PRRC2B: variants seen among roughly 807,000 people sequenced by gnomAD.
PRRC2B encodes proline rich coiled-coil 2B, also known as protein PRRC2B.
PRRC2B carries 68 observed loss-of-function variants against 242.3 expected under a neutral mutation model. The observed-to-expected ratio is 0.28, with a 90% CI of 0.23 to 0.34. PRRC2B has a LOEUF of 0.34. PRRC2B is among the 10% of genes least tolerant of loss of function. The pLI is 1.00. For synonymous variants in PRRC2B, 1,228 were observed against 1,173.6 expected (o/e 1.05, Z -0.95); for missense variants, 2,835 against 2,954.8 (o/e 0.96, Z 0.94).
intron 9 of PRRC2B, among the ~76,000 whole-genome samples, chr9:131,454,731 G>T (rs748474126): frequency 2.0e-5 from 3 of 151,906 alleles, no homozygotes; most frequent in Non-Finnish European, 2.9e-5. Context: ...TGCCTCCTGC[G>T]TTCAAGCGAT....
chr9:131,417,881 C>T (rs1381423749), intron 1 of PRRC2B, among the ~76,000 whole-genome samples: 1 of 152,194 alleles, frequency 6.6e-6, no homozygotes, highest in Non-Finnish European at 1.5e-5. Context: ...GCCTTTTCCC[C>T]ATGATCGAGC....
At chr9:131,468,839 CA>C (rs561589625) in intron 13 of PRRC2B, among the ~76,000 whole-genome samples, 259 of 152,288 alleles carry the variant, frequency 1.7e-3, no homozygotes, top group Non-Finnish European at 3.2e-3. Context: ...CTCCTCTGGG[CA>C]CCTGGGAGCC....
intron 19 of PRRC2B, 44 bp from the exon 20 acceptor site, chr9:131,481,681 CG>C: frequency 7.0e-7 from 1 of 1,434,322 alleles, no homozygotes; most frequent in East Asian, 2.5e-5. Context: ...ACTCTCTAGA[CG>C]GGTTGCTCTT....
At chr9:131,466,340 G>A (rs1001670042) in intron 12 of PRRC2B, among the ~76,000 whole-genome samples, 6 of 152,186 alleles carry the variant, frequency 3.9e-5, no homozygotes, top group Non-Finnish European at 8.8e-5. Flanking sequence ...ACTGTTTTCA[G>A]TATATTATTG....
At chr9:131,451,771 TG>T (rs1385286674) in intron 9 of PRRC2B, among the ~76,000 whole-genome samples, 1 of 152,194 alleles carries the variant, frequency 6.6e-6, no homozygotes, top group Non-Finnish European at 1.5e-5. Context: ...TTGGGTTTTT[TG>T]TTTTTGTAAA....
intron 1 of PRRC2B, among the ~76,000 whole-genome samples, chr9:131,394,590 CGAGGCCGGGCCGGGCTGCA>C (rs1554756861): frequency 6.6e-6 from 1 of 150,918 alleles, no homozygotes; most frequent in Non-Finnish European, 1.5e-5. Flanking sequence ...CCCGTACCCC[CGAGGCCGGGCCGGGCTGCA>C]GAGGCCGGAG....
chr9:131,380,502 C>G (rs1403594182), intron 1 of PRRC2B, among the ~76,000 whole-genome samples: 1 of 151,010 alleles, frequency 6.6e-6, no homozygotes, highest in Non-Finnish European at 1.5e-5. Context: ...TCCCTTGAAC[C>G]CGGGAGGCGG....
intron 1 of PRRC2B, among the ~76,000 whole-genome samples, chr9:131,382,368 C>T (rs1227228468): frequency 6.6e-6 from 1 of 152,136 alleles, no homozygotes; most frequent in Admixed American, 6.6e-5. Context: ...ATTCCCCAGT[C>T]TCTGGTCTTT....
chr9:131,491,943 T>C (rs1944207461), intron 29 of PRRC2B, among the ~76,000 whole-genome samples: 1 of 152,240 alleles, frequency 6.6e-6, no homozygotes, highest in Non-Finnish European at 1.5e-5. Flanking sequence ...TGCAGATTTC[T>C]CTAGAACAGG....
At chr9:131,454,336 C>G (rs1048075833) in intron 9 of PRRC2B, among the ~76,000 whole-genome samples, 2 of 152,246 alleles carry the variant, frequency 1.3e-5, no homozygotes, top group Non-Finnish European at 2.9e-5. Flanking sequence ...TGGTAACTCA[C>G]AAATCTCACA....
intron 23 of PRRC2B, 115 bp from the exon 24 acceptor site, chr9:131,484,571 G>T: frequency 1.2e-6 from 1 of 807,948 alleles, no homozygotes; most frequent in South Asian, 1.8e-5. Flanking sequence ...GTTTGGGCAA[G>T]TCATAGATAC....
At chr9:131,379,126 G>A (rs975270981) in intron 1 of PRRC2B, among the ~76,000 whole-genome samples, 1 of 152,084 alleles carries the variant, frequency 6.6e-6, no homozygotes, top group Admixed American at 6.6e-5. Flanking sequence ...TTAGCATAAC[G>A]CCTTTCAGCT....
At chr9:131,410,870 G>A (rs1837490333) in intron 1 of PRRC2B, among the ~76,000 whole-genome samples, 1 of 151,330 alleles carries the variant, frequency 6.6e-6, no homozygotes, top group Non-Finnish European at 1.5e-5. Context: ...TGCTTGCATT[G>A]GTTTTTTTCT....
At chr9:131,380,732 G>A (rs890115703) in intron 1 of PRRC2B, among the ~76,000 whole-genome samples, 1 of 151,582 alleles carries the variant, frequency 6.6e-6, no homozygotes, top group African/African-American at 2.4e-5. Context: ...CAAAAAATTA[G>A]CTGGGCATGG....
intron 22 of PRRC2B, among the ~76,000 whole-genome samples, 198 bp from the exon 23 acceptor site, chr9:131,483,159 CAG>C (rs1564300031): frequency 6.6e-6 from 1 of 152,144 alleles, no homozygotes; most frequent in Non-Finnish European, 1.5e-5. Context: ...ACCCAAGGGA[CAG>C]GGAGAAAGAA....
At chr9:131,443,050 C>G (rs1424283096) in intron 5 of PRRC2B, among the ~76,000 whole-genome samples, 1 of 152,156 alleles carries the variant, frequency 6.6e-6, no homozygotes, top group African/African-American at 2.4e-5. Context: ...GTGTATAAAT[C>G]TAATTTCCAC....
chr9:131,381,417 C>CTT (rs34806343), intron 1 of PRRC2B, among the ~76,000 whole-genome samples: 5 of 102,452 alleles, frequency 4.9e-5, no homozygotes, highest in African/African-American at 7.1e-5. Flanking sequence ...AGTTCTGGTT[C>CTT]TTTTTTTTTT....
At chr9:131,433,957 C>G (rs956181609) in intron 3 of PRRC2B, among the ~76,000 whole-genome samples, 1 of 152,186 alleles carries the variant, frequency 6.6e-6, no homozygotes, top group Non-Finnish European at 1.5e-5. Flanking sequence ...TATTGATGGA[C>G]AGTATAGCAT....
At chr9:131,409,011 G>C (rs866099680) in intron 1 of PRRC2B, among the ~76,000 whole-genome samples, 1 of 137,770 alleles carries the variant, frequency 7.3e-6, no homozygotes, top group Admixed American at 7.4e-5. Context: ...GAGTCACTGC[G>C]CTCAGCCACT....
Sources: allele counts gnomAD v4.1 joint callset (sites outside exome capture counted in the v4.1 genomes callset), GRCh38; gene constraint gnomAD v4.1.1; transcripts MANE v1.5; gene names NCBI Gene and HGNC (gene_info 2026-07-23, HGNC 2026-07-21).